The following EMSY variants were observed in gnomAD, a reference collection of about 807,000 sequenced individuals.
EMSY encodes EMSY transcriptional repressor, BRCA2 interacting.
Under a neutral mutation model 134.6 loss-of-function variants are expected in EMSY, and 26 were observed. The ratio of observed to expected loss-of-function variants is 0.19; its 90% CI spans 0.14 to 0.27. EMSY has a LOEUF of 0.27. Ranked by LOEUF, EMSY falls within the 10% of genes least tolerant of loss-of-function variation. The pLI is 1.00. For synonymous variants in EMSY, 579 were observed against 577.8 expected (o/e 1.00, Z -0.03); for missense variants, 1,305 against 1,611.4 (o/e 0.81, Z 3.26).
exon 9 of EMSY, chr11:76,496,311 A>G: frequency 1.2e-6 from 2 of 1,614,168 alleles, no homozygotes; most frequent in Non-Finnish European, 1.7e-6. Context: ...CAGTTCCCTA[A>G]ACAACATCAA....
chr11:76,453,823 A>C (rs1243113259), intron 4 of EMSY: 1 of 152,344 alleles, frequency 6.6e-6, no homozygotes, highest in African/African-American at 2.4e-5. Flanking sequence ...TTTGAGATTC[A>C]GAAAAAAATG....
chr11:76,488,524 ATT>A (rs67150598), intron 8 of EMSY, among the ~76,000 whole-genome samples: 79 of 138,742 alleles, frequency 5.7e-4, no homozygotes, highest in South Asian at 2.9e-3. Context: ...TATTTATGCT[ATT>A]TTTTTTTTGT....
chr11:76,505,520 G>T (rs1950040101), intron 9 of EMSY, among the ~76,000 whole-genome samples: 1 of 152,032 alleles, frequency 6.6e-6, no homozygotes, highest in South Asian at 2.1e-4. Flanking sequence ...CTCTGGGGAT[G>T]TGGAGAGAAG....
chr11:76,446,355 A>ATATATG (rs1345375140), intron 1 of EMSY, among the ~76,000 whole-genome samples: 29 of 149,230 alleles, frequency 1.9e-4, no homozygotes, highest in African/African-American at 4.7e-4. Flanking sequence ...ATGTGTATAT[A>ATATATG]TATATATGTA....
chr11:76,524,591 G>A (rs187177116), intron 12 of EMSY, among the ~76,000 whole-genome samples: 2 of 152,316 alleles, frequency 1.3e-5, no homozygotes, highest in East Asian at 3.9e-4. Flanking sequence ...AACTTGATAT[G>A]TAAGAGGGGA....
At chr11:76,471,057 A>T (rs923895920) in intron 7 of EMSY, among the ~76,000 whole-genome samples, 2 of 152,104 alleles carry the variant, frequency 1.3e-5, no homozygotes, top group African/African-American at 4.8e-5. Flanking sequence ...TTTGCAGTGT[A>T]TTCAGAATCT....
exon 19 of EMSY, chr11:76,544,769 C>A (rs1301978456): frequency 6.8e-6 from 11 of 1,614,052 alleles, no homozygotes; most frequent in Non-Finnish European, 9.3e-6. Context: ...ACCCCAAACC[C>A]CCCAGAGCCA....
intron 4 of EMSY, among the ~76,000 whole-genome samples, chr11:76,456,248 T>C (rs1947867371): frequency 1.3e-5 from 2 of 152,222 alleles, no homozygotes; most frequent in Non-Finnish European, 2.9e-5. Flanking sequence ...AATTCTAACA[T>C]GATACTTAAT....
At chr11:76,482,645 A>T (rs1454002057) in intron 8 of EMSY, among the ~76,000 whole-genome samples, 8 of 152,240 alleles carry the variant, frequency 5.3e-5, no homozygotes, top group African/African-American at 1.4e-4. Context: ...AGGAGAAAGG[A>T]TATCAGAGAT....
At chr11:76,542,528 C>T (rs932073906) in intron 18 of EMSY, among the ~76,000 whole-genome samples, 161 bp downstream of exon 19, 1 of 152,180 alleles carries the variant, frequency 6.6e-6, no homozygotes, top group Non-Finnish European at 1.5e-5. Flanking sequence ...AGAGTCTTAA[C>T]ACCAGAAAAT....
At chr11:76,499,332 G>T (rs56286820) in intron 9 of EMSY, among the ~76,000 whole-genome samples, 30,520 of 130,844 alleles carry the variant, frequency 0.23, 3,834 homozygotes, top group Middle Eastern at 0.38. Flanking sequence ...GTGTCGCCCA[G>T]GCTGGAGTGC....
chr11:76,517,070 A>G (rs1950473760), intron 11 of EMSY, among the ~76,000 whole-genome samples: 1 of 152,204 alleles, frequency 6.6e-6, no homozygotes, highest in South Asian at 2.1e-4. Flanking sequence ...ATCCCAGATT[A>G]AGCAAGACTG....
At chr11:76,473,845 A>G (rs1427315769) in intron 8 of EMSY, among the ~76,000 whole-genome samples, 2 of 151,998 alleles carry the variant, frequency 1.3e-5, no homozygotes, top group East Asian at 3.9e-4. Flanking sequence ...AAATACAAAA[A>G]TTAGCCGGGC....
At position 76,506,161 on chromosome 11, in the gene EMSY, G is replaced by A. The variant is rs187706671; in HGVS notation, c.1364-7225G>A. Among the ~76,000 whole-genome samples the A allele has an allele frequency of 3.2e-3, 478 of 151,298 alleles. 8 individuals are homozygous for A. Among genetic ancestry groups the A allele is most frequent in the East Asian group, 5.6e-3 (29 of 5,172 alleles). On this transcript the variant is annotated intron_variant, in intron 9 of 20. Transcript: ENST00000334736. ...ATTTAAATATAAAAAATATTCCAGG[G>A]CATTAAAAAAAAACTTTCAAAATTC...
In EMSY at chr11:76,488,060, A is replaced by G. The variant is rs1253688471; in HGVS notation, c.1109-8155A>G. Among the ~76,000 whole-genome samples the G allele has an allele frequency of 2.6e-5, 4 of 152,366 alleles. No homozygotes were observed. In the East Asian group the frequency reaches 5.8e-4, roughly 22 times the overall value. ...GTGTTAAAAACTCTGAGTATTTCAT[A>G]TTTATTCAAAATTACCAATGTAGCC... On this transcript the variant is annotated intron_variant, in intron 8 of 20. Transcript: ENST00000334736.
At chr11:76,464,760 C>T (rs901467469) in intron 7 of EMSY, among the ~76,000 whole-genome samples, 1 of 152,110 alleles carries the variant, frequency 6.6e-6, no homozygotes, top group African/African-American at 2.4e-5. Context: ...CCAGTAGCTA[C>T]CTGGTGTATG....
At chr11:76,488,351 A>G (rs1949275765) in intron 8 of EMSY, among the ~76,000 whole-genome samples, 1 of 152,174 alleles carries the variant, frequency 6.6e-6, no homozygotes, top group African/African-American at 2.4e-5. Flanking sequence ...CTGTAATCGT[A>G]GCTACTCGGG....
intron 20 of EMSY, among the ~76,000 whole-genome samples, chr11:76,547,327 A>G (rs1483663886): frequency 6.6e-6 from 1 of 152,248 alleles, no homozygotes; most frequent in Non-Finnish European, 1.5e-5. Context: ...AGAATTAAAT[A>G]TAGAGGAAGT....
Position 76,448,945 on chromosome 11 carries a change from A to G in EMSY, c.70+1937A>G, listed in dbSNP as rs1947537257. ...TATATATACTGAATGTGTCAGTGCT[A>G]GATAAATGCTTCCTTCTCTCTGTCT... On this transcript the variant is annotated intron_variant, in intron 2 of 20. Coordinates refer to ENST00000334736, the Ensembl canonical transcript of EMSY. Among the ~76,000 whole-genome samples, 3 of 152,108 alleles carry G rather than the reference A, an allele frequency of 2.0e-5. No homozygotes were observed. The South Asian group carries it at 6.2e-4, about 32-fold the overall frequency.
Sources: gnomAD v4.1 joint callset for allele counts (sites outside exome capture counted in the v4.1 genomes callset) on GRCh38, gnomAD v4.1.1 for gene constraint, MANE v1.5 for transcripts, NCBI Gene and HGNC (gene_info 2026-07-23, HGNC 2026-07-21) for gene names.